The following G2E3 variants were observed in gnomAD, a reference collection of about 807,000 sequenced individuals.
The protein encoded by G2E3 is G2/M-phase specific E3 ubiquitin protein ligase, also known as G2/M phase-specific E3 ubiquitin-protein ligase.
Under a neutral mutation model 92.8 loss-of-function variants are expected in G2E3, and 35 were observed. The observed-to-expected ratio is 0.38, with a 90% CI of 0.29 to 0.50. The LOEUF (loss-of-function observed/expected upper bound fraction) is 0.50. G2E3 is among the 20% of genes least tolerant of loss of function. The pLI is 0.94. For missense variants in G2E3, 554 were observed against 823.8 expected, an observed-to-expected ratio of 0.67 and a Z score of 4.01; for synonymous variants, 242 against 272.4, an observed-to-expected ratio of 0.89 and a Z score of 1.10.
chr14:30,576,357 A>G (rs906630903), intron 1 of G2E3, among the ~76,000 whole-genome samples: 2 of 152,232 alleles, frequency 1.3e-5, no homozygotes, highest in Admixed American at 6.5e-5. Context: ...AACACCATAC[A>G]CAAAAACCAC....
At position 30,598,660 on chromosome 14, in the gene G2E3, T is replaced by C. The variant is rs201972229; in HGVS notation, c.752+61T>C. 1.9e-4 allele frequency: 190 copies of C among 1,019,402 alleles called. 2 individuals are homozygous for C. In the South Asian group the frequency reaches 2.3e-3, roughly 12 times the overall value. The allele number at this position is 1,019,402 out of a possible 1,614,324, so 63.1% of individuals were successfully genotyped here. ...TTGTTTAAACCTTCTGCTGAGAAAG[T>C]AGATTTTATAGTTAGTGAAACGTAG... is the stretch of plus-strand genomic sequence containing the variant. On this transcript the variant is annotated intron_variant, in intron 8 of 14. Coordinates refer to ENST00000206595, the MANE Select transcript of G2E3 (RefSeq NM_017769.5).
intron 10 of G2E3, among the ~76,000 whole-genome samples, chr14:30,603,782 T>C (rs1881694519): frequency 6.6e-6 from 1 of 152,202 alleles, no homozygotes; most frequent in Non-Finnish European, 1.5e-5. Context: ...GAGTTCAAGC[T>C]GCAATGAGCT....
intron 12 of G2E3, chr14:30,611,299 A>G (rs929336349): frequency 6.6e-6 from 1 of 152,232 alleles, no homozygotes; most frequent in Non-Finnish European, 1.5e-5. Flanking sequence ...GACAGGGTGT[A>G]AAGATAGTAT....
chr14:30,594,865 A>G (rs1339323686), intron 6 of G2E3, among the ~76,000 whole-genome samples: 1 of 151,272 alleles, frequency 6.6e-6, no homozygotes, highest in African/African-American at 2.4e-5. Context: ...ACAGTGGCTC[A>G]TGCCTGTAAT....
intron 1 of G2E3, among the ~76,000 whole-genome samples, chr14:30,568,247 ACT>A (rs1352450852): frequency 6.6e-6 from 1 of 152,054 alleles, no homozygotes; most frequent in Non-Finnish European, 1.5e-5. Context: ...ACTTTTGATT[ACT>A]GTTTGTATGA....
At chr14:30,561,144 T>G (rs1467144876) in intron 1 of G2E3, among the ~76,000 whole-genome samples, 3 of 152,234 alleles carry the variant, frequency 2.0e-5, no homozygotes, top group Admixed American at 1.3e-4. Flanking sequence ...CCAATTACAT[T>G]GAGTTACTAA....
chr14:30,569,276 T>C (rs1368833655), intron 1 of G2E3, among the ~76,000 whole-genome samples: 1 of 152,210 alleles, frequency 6.6e-6, no homozygotes, highest in Non-Finnish European at 1.5e-5. Flanking sequence ...CTGATCTTTC[T>C]GAATTCCTTT....
At chr14:30,605,836 A>G (rs1469546480) in intron 11 of G2E3, 24 bp downstream of exon 11, 5 of 1,202,916 alleles carry the variant, frequency 4.2e-6, no homozygotes, top group East Asian at 4.7e-5. Flanking sequence ...TTATTGTTGT[A>G]TATACCAAAT....
intron 10 of G2E3, 116 bp downstream of exon 10, chr14:30,602,247 T>G: frequency 1.3e-6 from 1 of 749,516 alleles, no homozygotes; most frequent in Non-Finnish European, 2.1e-6. Context: ...AAGAATGTTT[T>G]TCAGCCTTCA....
intron 6 of G2E3, 84 bp downstream of exon 6, chr14:30,593,723 C>T (rs908568494): frequency 1.3e-5 from 12 of 940,256 alleles, no homozygotes; most frequent in African/African-American, 3.3e-5. Context: ...AAAGAATTGA[C>T]GTGTATATTA....
chr14:30,560,662 T>C (rs1879040019), intron 1 of G2E3: 3 of 615,326 alleles, frequency 4.9e-6, no homozygotes. Context: ...TATTTTTTTC[T>C]ACCTGAATTA....
chr14:30,601,785 G>A lies in G2E3; in HGVS notation c.768G>A (p.Lys256=). The A allele has an allele frequency of 6.2e-7, 1 of 1,614,018 alleles. No homozygotes were observed. Among genetic ancestry groups the A allele is most frequent in the Non-Finnish European group, 8.5e-7 (1 of 1,179,948 alleles). Residue 256 remains lysine (K), a synonymous_variant, in exon 9 of 15, where the codon AAG becomes AAA. Coordinates refer to ENST00000206595, the MANE Select transcript of G2E3 (RefSeq NM_017769.5). ...GTGTCCTCAGCAAATGGGAAATAAAGCGCTGTCAGTGTTGTGGTTCCAGTG... is the reference window on the plus strand; with the variant it reads ...GTGTCCTCAGCAAATGGGAAATAAAACGCTGTCAGTGTTGTGGTTCCAGTG... ...YNAPDSKWEI[K]RCQCCGSSGT...
intron 4 of G2E3, 32 bp from the exon 5 acceptor site, chr14:30,592,291 G>A: frequency 1.3e-6 from 2 of 1,597,570 alleles, no homozygotes; most frequent in Non-Finnish European, 1.7e-6. Flanking sequence ...GATTTTTTAT[G>A]TTGTGACCCC....
chr14:30,584,272 A>T (rs1880589317), intron 2 of G2E3, among the ~76,000 whole-genome samples: 1 of 152,180 alleles, frequency 6.6e-6, no homozygotes, highest in Non-Finnish European at 1.5e-5. Flanking sequence ...TTATCCACTT[A>T]TCCATCCTTT....
chr14:30,586,256 C>T (rs575190293), intron 2 of G2E3, among the ~76,000 whole-genome samples: 8 of 152,292 alleles, frequency 5.3e-5, no homozygotes, highest in Admixed American at 1.3e-4. Flanking sequence ...ACCAGGAACA[C>T]GGGCCACCCC....
chr14:30,561,902 GTAGTT>G (rs1175422883), intron 1 of G2E3, among the ~76,000 whole-genome samples: 5 of 150,864 alleles, frequency 3.3e-5, no homozygotes, highest in African/African-American at 9.8e-5. Flanking sequence ...ATAATTCTGT[GTAGTT>G]TAGTAGAGAT....
chr14:30,605,104 C>T (rs1881768020), intron 10 of G2E3, among the ~76,000 whole-genome samples: 1 of 152,142 alleles, frequency 6.6e-6, no homozygotes, highest in African/African-American at 2.4e-5. Context: ...CCCTGTGGGT[C>T]ACACTGGTCT....
At chr14:30,605,406 C>T (rs1481092276) in intron 10 of G2E3, 99 bp from the exon 11 acceptor site, 1 of 497,270 alleles carries the variant, frequency 2.0e-6, no homozygotes, top group Non-Finnish European at 3.6e-6. Context: ...TCCTATTAAT[C>T]TTTTTTTCCC....
chr14:30,572,675 T>A (rs769429052), intron 1 of G2E3, among the ~76,000 whole-genome samples: 1 of 152,180 alleles, frequency 6.6e-6, no homozygotes, highest in Non-Finnish European at 1.5e-5. Flanking sequence ...TCAGATGATA[T>A]CTAATCTTAT....
Sources: gnomAD v4.1 joint callset for allele counts (sites outside exome capture counted in the v4.1 genomes callset) on GRCh38, gnomAD v4.1.1 for gene constraint, MANE v1.5 for transcripts, NCBI Gene and HGNC (gene_info 2026-07-23, HGNC 2026-07-21) for gene names.